The following ADGRF4 variants were observed in gnomAD, a reference collection of about 807,000 sequenced individuals.
ADGRF4 encodes the protein adhesion G protein-coupled receptor F4.
ADGRF4 carries 63 observed loss-of-function variants against 58.5 expected under a neutral mutation model. The observed-to-expected ratio is 1.08, with a 90% CI of 0.88 to 1.33. The LOEUF is 1.33. Among genes scored for constraint, ADGRF4 ranks in the 40% most tolerant of loss-of-function variants. The pLI, the probability that ADGRF4 is intolerant of heterozygous loss-of-function variation, is 0.00. For missense variants in ADGRF4, 931 were observed against 843.9 expected (o/e 1.10, Z -1.28); for synonymous variants, 313 against 295.4 (o/e 1.06, Z -0.61).
rs779152198 is a variant in ADGRF4 at position 47,717,347 on chromosome 6, C to G, written c.2030C>G (p.Ala677Gly). 2 of 1,607,986 alleles carry G rather than the reference C, an allele frequency of 1.2e-6. No individual in the cohort carries two copies. Among genetic ancestry groups the G allele is most frequent in the South Asian group, 1.1e-5 (1 of 90,988 alleles). ...TCACTGAAGGGGAAATCGAGGGCAG[C>G]TGAGGTAAGCCTTCCCCTTTTAGTC... Reference protein sequence around the residue: ...MSSLKGKSRAAENASLGPTNG... With the variant: ...MSSLKGKSRAGENASLGPTNG... Residue 677 changes from alanine to glycine, a missense_variant, in exon 8 of 10, where the codon GCT (alanine) becomes GGT (glycine). Coordinates refer to ENST00000283303, the MANE Select transcript of ADGRF4 (RefSeq NM_153838.5).
intron 1 of ADGRF4, among the ~76,000 whole-genome samples, chr6:47,702,548 C>T (rs113643381): frequency 3.5e-4 from 54 of 152,314 alleles, no homozygotes; most frequent in African/African-American, 1.2e-3. Flanking sequence ...AAATGGTTGA[C>T]AAACAAATGG....
intron 3 of ADGRF4, 123 bp downstream of exon 3, chr6:47,708,401 T>A: frequency 5.8e-6 from 4 of 686,250 alleles, no homozygotes; most frequent in Non-Finnish European, 7.8e-6. Context: ...CTCCAGTAAG[T>A]CCTCTGTGCT....
chr6:47,710,935 A>T, intron 4 of ADGRF4, 49 bp downstream of exon 4: 1 of 1,558,924 alleles, frequency 6.4e-7, no homozygotes. Flanking sequence ...CCCCAGCAGA[A>T]AGTAGACACA....
chr6:47,710,695 G>A (rs976583607), intron 3 of ADGRF4, 40 bp from the exon 4 acceptor site: 1 of 1,537,728 alleles, frequency 6.5e-7, no homozygotes, highest in African/African-American at 1.4e-5. Context: ...AATCCTAATT[G>A]GGCTCCTGTC....
At chr6:47,704,486 A>G (rs1347319270) in intron 1 of ADGRF4, among the ~76,000 whole-genome samples, 1 of 152,178 alleles carries the variant, frequency 6.6e-6, no homozygotes, top group Non-Finnish European at 1.5e-5. Flanking sequence ...TTTCTCCTTG[A>G]CACACACACC....
intron 1 of ADGRF4, among the ~76,000 whole-genome samples, chr6:47,701,803 C>T (rs974937050): frequency 1.3e-5 from 2 of 152,140 alleles, no homozygotes; most frequent in Non-Finnish European, 2.9e-5. Context: ...CAGCTTGAAA[C>T]TCCTCAAGGC....
Position 47,707,264 on chromosome 6 carries a change from G to T in ADGRF4, c.19G>T (p.Ala7Ser), listed in dbSNP as rs750426161. The T allele has an allele frequency of 1.2e-6, 2 of 1,612,360 alleles. No homozygotes were observed. The highest frequency in any genetic ancestry group is 2.7e-5 in the African/African-American group (2 of 74,952). Residue 7 changes from alanine (A) to serine (S), a missense_variant, in exon 2 of 10, where the codon GCA (alanine) becomes TCA (serine). Coordinates refer to ENST00000283303, the MANE Select transcript of ADGRF4 (RefSeq NM_153838.5). ...CTCATGTATGAAAATGAAGTCCCAG[G>T]CAACCATGATTTGCTGCTTAGTGTT... MKMKSQ[A>S]TMICCLVFFL... is the part of the protein sequence containing the mutation.
intron 4 of ADGRF4, among the ~76,000 whole-genome samples, 173 bp downstream of exon 4, chr6:47,711,059 T>A (rs1771852904): frequency 6.6e-6 from 1 of 151,628 alleles, no homozygotes; most frequent in Non-Finnish European, 1.5e-5. Context: ...AACTTTCAGG[T>A]ACTCTCCCTC....
chr6:47,707,603 A>G (rs183146948), intron 2 of ADGRF4, among the ~76,000 whole-genome samples: 2 of 152,354 alleles, frequency 1.3e-5, no homozygotes, highest in East Asian at 3.9e-4. Flanking sequence ...CTGAGAGAAG[A>G]AAGTACTCAC....
rs1298801454 is a variant in ADGRF4 at position 47,712,577 on chromosome 6, T to C, written c.521T>C (p.Leu174Ser). ...VELLKNISTDLSDNVTREKMK... is the reference protein window; with the variant it reads ...VELLKNISTDSSDNVTREKMK... The stretch of plus-strand genomic sequence containing the variant: ...TTATTAAAAAATATTTCTACAGACT[T>C]GTCTGATAATGTTACTCGAGAGAAA... Residue 174 changes from leucine to serine, a missense_variant, in exon 5 of 10, where the codon TTG (leucine) becomes TCG (serine). By Grantham distance (145) the Leu-to-Ser change is moderately radical. Coordinates refer to ENST00000283303, the MANE Select transcript of ADGRF4 (RefSeq NM_153838.5). 1 of 1,580,274 alleles carries C rather than the reference T, an allele frequency of 6.3e-7. No homozygotes were observed. Among genetic ancestry groups the C allele is most frequent in the Admixed American group, 1.7e-5 (1 of 59,988 alleles).
In ADGRF4 at chr6:47,717,984, A is replaced by T. The variant is rs1410422933; in HGVS notation, c.2035-405A>T. Reference sequence around the variant, plus strand: ...TTTGTTTAACCTACAGATTCACATTAGGAGCCCCTTCCTTAAAAACGAAAA... The same window carrying T: ...TTTGTTTAACCTACAGATTCACATTTGGAGCCCCTTCCTTAAAAACGAAAA... On this transcript the variant is annotated intron_variant, in intron 8 of 9. Coordinates refer to ENST00000283303, the MANE Select transcript of ADGRF4 (RefSeq NM_153838.5). 2.0e-5 allele frequency among the ~76,000 whole-genome samples: 3 copies of T among 152,356 alleles called. No individual in the cohort carries two copies. The East Asian group carries it at 5.8e-4, about 29-fold the overall frequency.
At chr6:47,716,890 G>A in intron 7 of ADGRF4, 43 bp downstream of exon 7, 13 of 1,361,828 alleles carry the variant, frequency 9.5e-6, no homozygotes, top group Non-Finnish European at 1.2e-5. Context: ...TTTTCATGTG[G>A]CTGGGGGAAG....
Position 47,714,230 on chromosome 6 carries a change from T to A in ADGRF4, c.985T>A (p.Leu329Met), listed in dbSNP as rs1474563662. The A allele has an allele frequency of 1.9e-6, 3 of 1,614,088 alleles. No homozygotes were observed. Among genetic ancestry groups the A allele is most frequent in the Non-Finnish European group, 2.5e-6 (3 of 1,180,008 alleles). ...LVLSVVLPERLQEIILTFEKI... is the reference protein window; with the variant it reads ...LVLSVVLPERMQEIILTFEKI... ...GCTATCAGTGGTTTTACCAGAAAGG[T>A]TGCAAGAAATCATACTCACCTTCGA... The change falls in exon 6 of 10, where the codon TTG becomes ATG. Residue 329 changes from leucine to methionine, a missense_variant. Physicochemically the swap from Leu to Met is conservative, Grantham distance 15. Transcript: ENST00000283303.
chr6:47,706,475 A>G (rs1771712745), intron 1 of ADGRF4, among the ~76,000 whole-genome samples: 2 of 152,230 alleles, frequency 1.3e-5, no homozygotes. Flanking sequence ...ATGCCTAGAC[A>G]GACAGTACAC....
Position 47,714,159 on chromosome 6 carries a change from C to G in ADGRF4, c.914C>G (p.Ala305Gly), listed in dbSNP as rs139185978. The change falls in exon 6 of 10, where the codon GCC becomes GGC. Residue 305 changes from alanine (A) to glycine (G), a missense_variant. Coordinates refer to ENST00000283303, the MANE Select transcript of ADGRF4 (RefSeq NM_153838.5). Reference sequence around the variant, plus strand: ...ACCTTGGGGGCTATCCTGAGAGAAGCCCACTTGCAAAATGTGAGTCTTCCC... The same window carrying G: ...ACCTTGGGGGCTATCCTGAGAGAAGGCCACTTGCAAAATGTGAGTCTTCCC... The part of the protein sequence containing the change: ...FPTLGAILRE[A>G]HLQNVSLPRQ... The G allele has an allele frequency of 2.9e-5, 47 of 1,613,786 alleles. No individual in the cohort carries two copies. The Middle Eastern group carries it at 2.5e-3, about 85-fold the overall frequency.
chr6:47,709,238 A>C (rs905363850), intron 3 of ADGRF4, among the ~76,000 whole-genome samples: 1 of 151,928 alleles, frequency 6.6e-6, no homozygotes, highest in South Asian at 2.1e-4. Flanking sequence ...CCCAGCTGCT[A>C]TCTTAACCTG....
intron 1 of ADGRF4, among the ~76,000 whole-genome samples, chr6:47,700,266 T>TTAA (rs1269468323): frequency 1.1e-4 from 16 of 152,314 alleles, no homozygotes; most frequent in African/African-American, 3.8e-4. Context: ...AGCTGACCTT[T>TTAA]TAAAATTTTC....
chr6:47,710,009 G>T (rs1217788606), intron 3 of ADGRF4, among the ~76,000 whole-genome samples: 1 of 152,172 alleles, frequency 6.6e-6, no homozygotes, highest in Non-Finnish European at 1.5e-5. Flanking sequence ...GTTCAGGTAT[G>T]AGTTATAGTG....
chr6:47,714,907 C>G lies in ADGRF4; in HGVS notation c.1662C>G (p.Asp554Glu). Reference sequence around the variant, plus strand: ...CTGAGGCCTGTTGGCTTAACTGGGACAATACCAAAGCCCTTTTAGCATTTG... The same window carrying G: ...CTGAGGCCTGTTGGCTTAACTGGGAGAATACCAAAGCCCTTTTAGCATTTG... The part of the protein sequence containing the change: ...MRPEACWLNW[D>E]NTKALLAFAI... The change falls in exon 6 of 10, where the codon GAC (aspartate) becomes GAG (glutamate). Residue 554 changes from aspartate to glutamate, a missense_variant. Asp to Glu is a conservative substitution (Grantham distance 45, BLOSUM62 2). Transcript: ENST00000283303. 1 of 1,612,870 alleles carries G rather than the reference C, an allele frequency of 6.2e-7. No homozygotes were observed. Among genetic ancestry groups the G allele is most frequent in the Non-Finnish European group, 8.5e-7 (1 of 1,178,906 alleles).
Sources: gnomAD v4.1 joint callset for allele counts (sites outside exome capture counted in the v4.1 genomes callset) on GRCh38, gnomAD v4.1.1 for gene constraint, MANE v1.5 for transcripts, NCBI Gene and HGNC (gene_info 2026-07-23, HGNC 2026-07-21) for gene names.